GRAMD4: variants seen among roughly 807,000 people sequenced by gnomAD.
GRAMD4 encodes the protein GRAM domain containing 4.
A neutral mutation model predicts 83.9 loss-of-function variants in GRAMD4; 25 were observed. That is an observed-to-expected ratio of 0.30 (90% CI 0.22 to 0.42). The LOEUF is 0.42. Ranked by LOEUF, GRAMD4 falls within the 10% of genes least tolerant of loss-of-function variation. The pLI is 1.00. For missense variants in GRAMD4, 593 were observed against 788.7 expected, an observed-to-expected ratio of 0.75 and a Z score of 2.97; for synonymous variants, 336 against 320.9, an observed-to-expected ratio of 1.05 and a Z score of -0.50.
At chr22:46,640,976 AC>A (rs1324357161) in intron 3 of GRAMD4, among the ~76,000 whole-genome samples, 1 of 152,212 alleles carries the variant, frequency 6.6e-6, no homozygotes, top group African/African-American at 2.4e-5. Flanking sequence ...TTTCGTTAAT[AC>A]CATCAGCTGT....
At position 46,658,089 on chromosome 22, in the gene GRAMD4, C is replaced by T; in HGVS notation, c.284-98C>T. The T allele has an allele frequency of 4.1e-6, 6 of 1,466,492 alleles. No homozygotes were observed. In the South Asian group the frequency reaches 5.7e-5, roughly 14 times the overall value. 90.8% of individuals were successfully genotyped at this position (1,466,492 alleles called of 1,614,324 possible). A position where few individuals can be genotyped will look rare whatever the true frequency, so the allele number is the denominator to read the frequency against. On this transcript the variant is annotated intron_variant, in intron 3 of 18. Coordinates refer to ENST00000406902, the MANE Select transcript of GRAMD4 (RefSeq NM_015124.5). ...AGGTCCGCTTACGGAGCAGAGACCCCTCTGCTGTTTCTGAGTCAGGCACCC... is the reference window on the plus strand; with the variant it reads ...AGGTCCGCTTACGGAGCAGAGACCCTTCTGCTGTTTCTGAGTCAGGCACCC...
intron 11 of GRAMD4, among the ~76,000 whole-genome samples, 168 bp downstream of exon 11, chr22:46,668,335 G>C (rs573040348): frequency 6.6e-5 from 10 of 152,306 alleles, no homozygotes; most frequent in Non-Finnish European, 1.3e-4. Flanking sequence ...CTGACTTGTA[G>C]TCACCCTGCC....
At chr22:46,605,412 A>C (rs2081355384) in intron 1 of GRAMD4, among the ~76,000 whole-genome samples, 2 of 152,378 alleles carry the variant, frequency 1.3e-5, no homozygotes, top group East Asian at 1.9e-4. Context: ...TGCAGTGAAC[A>C]TGGGTATGCA....
At position 46,679,042 on chromosome 22, in the gene GRAMD4, C is replaced by A. The variant is rs956421345; in HGVS notation, c.*1791C>A. On this transcript the variant is annotated 3_prime_UTR_variant, in exon 19 of 19. Coordinates refer to ENST00000406902, the MANE Select transcript of GRAMD4 (RefSeq NM_015124.5). ...GTGCACCAGGGGAGGGGGACATATC[C>A]CAGTGAACCCCACCTTGGCGCCTGA... is the stretch of plus-strand genomic sequence containing the variant. 1.3e-5 allele frequency: 13 copies of A among 985,658 alleles called. No homozygotes were observed. Among genetic ancestry groups the A allele is most frequent in the Non-Finnish European group, 1.3e-5 (11 of 829,964 alleles). 61.1% of individuals were successfully genotyped at this position (985,658 alleles called of 1,614,324 possible).
chr22:46,583,146 A>G (rs1264663280), intron 1 of GRAMD4, among the ~76,000 whole-genome samples: 1 of 152,188 alleles, frequency 6.6e-6, no homozygotes, highest in Non-Finnish European at 1.5e-5. Flanking sequence ...CTGGTCTCGA[A>G]TTCCTGACCT....
chr22:46,652,295 C>T (rs964991970), intron 3 of GRAMD4, among the ~76,000 whole-genome samples: 3 of 152,126 alleles, frequency 2.0e-5, no homozygotes, highest in African/African-American at 4.8e-5. Context: ...GTCATTGCTC[C>T]CTGGGGGCCG....
intron 3 of GRAMD4, among the ~76,000 whole-genome samples, chr22:46,647,707 A>G (rs138467): frequency 0.91 from 138,626 of 152,354 alleles, 63,291 homozygotes; most frequent in East Asian, 1. Context: ...CTCTCTAGTC[A>G]CTGCGTCCCG....
At chr22:46,644,697 G>GTTT (rs71192437) in intron 3 of GRAMD4, among the ~76,000 whole-genome samples, 12 of 97,354 alleles carry the variant, frequency 1.2e-4, no homozygotes, top group African/African-American at 1.6e-4. Flanking sequence ...CTTGTTCCCT[G>GTTT]TTTTTTTTTT....
At chr22:46,633,733 A>G (rs1255128671) in intron 2 of GRAMD4, among the ~76,000 whole-genome samples, 2 of 152,174 alleles carry the variant, frequency 1.3e-5, no homozygotes, top group African/African-American at 4.8e-5. Context: ...CCCAGGAAGA[A>G]TCCATTGTGG....
intron 3 of GRAMD4, among the ~76,000 whole-genome samples, chr22:46,643,186 TCCATCCATCCATCCATCTATCCATC>T: frequency 7.4e-6 from 1 of 134,698 alleles, no homozygotes. Context: ...CATCCATCCA[TCCATCCATCCATCCATCTATCCATC>T]CATTTATCCA....
At chr22:46,590,092 G>C (rs150094284) in intron 1 of GRAMD4, among the ~76,000 whole-genome samples, 10 of 152,320 alleles carry the variant, frequency 6.6e-5, no homozygotes, top group Admixed American at 5.2e-4. Flanking sequence ...CTGTTGGCCC[G>C]GGTGGGCAGA....
intron 3 of GRAMD4, among the ~76,000 whole-genome samples, chr22:46,652,213 A>G (rs1310972309): frequency 5.3e-5 from 8 of 152,202 alleles, no homozygotes; most frequent in African/African-American, 1.9e-4. Context: ...AGTCACCACA[A>G]AGGTTCTGAG....
intron 1 of GRAMD4, among the ~76,000 whole-genome samples, chr22:46,591,070 G>A (rs1191650572): frequency 6.7e-6 from 1 of 149,978 alleles, no homozygotes; most frequent in African/African-American, 2.5e-5. Flanking sequence ...AAAAGAAAAA[G>A]AAAAAAAAAC....
In GRAMD4 at chr22:46,658,298, T is replaced by C; in HGVS notation, c.395T>C (p.Leu132Pro). ...MELEQKVQEVLKARTEEQMAQ... is the reference protein window; with the variant it reads ...MELEQKVQEVPKARTEEQMAQ... ...CTGGAGCAGAAGGTGCAGGAGGTGCTGAAGGCCAGGTACCGCGCCTTCCTC... is the reference window on the plus strand; with the variant it reads ...CTGGAGCAGAAGGTGCAGGAGGTGCCGAAGGCCAGGTACCGCGCCTTCCTC... Residue 132 changes from leucine (L) to proline (P), a missense_variant, in exon 4 of 19, where the codon CTG (leucine) becomes CCG (proline). Physicochemically the swap from Leu to Pro is moderately conservative, Grantham distance 98. Transcript: ENST00000406902. 2.5e-6 allele frequency: 4 copies of C among 1,611,128 alleles called. No individual in the cohort carries two copies. The highest frequency in any genetic ancestry group is 3.4e-6 in the Non-Finnish European group (4 of 1,179,384).
chr22:46,654,696 G>A (rs145931123), intron 3 of GRAMD4, among the ~76,000 whole-genome samples: 51 of 152,302 alleles, frequency 3.3e-4, no homozygotes, highest in Admixed American at 2.7e-3. Context: ...CCTGCTAGAC[G>A]CACTACGTGA....
intron 1 of GRAMD4, among the ~76,000 whole-genome samples, chr22:46,586,922 T>G (rs1352220961): frequency 6.6e-6 from 1 of 151,734 alleles, no homozygotes; most frequent in Non-Finnish European, 1.5e-5. Context: ...GGGTGGGGAG[T>G]TTGGCGTTTA....
chr22:46,590,669 C>G (rs556026000), intron 1 of GRAMD4, among the ~76,000 whole-genome samples: 5 of 152,174 alleles, frequency 3.3e-5, no homozygotes, highest in African/African-American at 1.2e-4. Flanking sequence ...CCCGCCAGGG[C>G]GTGCTTGGGT....
At chr22:46,643,124 CATCCATCCATG>C (rs2082003061) in intron 3 of GRAMD4, among the ~76,000 whole-genome samples, 1 of 90,722 alleles carries the variant, frequency 1.1e-5, no homozygotes, top group African/African-American at 3.7e-5. Flanking sequence ...TCCATCCATG[CATCCATCCATG>C]CATCCTTCCA....
intron 13 of GRAMD4, among the ~76,000 whole-genome samples, chr22:46,669,816 C>T (rs13058316): frequency 0.087 from 13,246 of 152,214 alleles, 771 homozygotes; most frequent in African/African-American, 0.17. Context: ...TGACCTCAGG[C>T]GATCTGCCCA....
Sources: gnomAD v4.1 joint callset for allele counts (sites outside exome capture counted in the v4.1 genomes callset) on GRCh38, gnomAD v4.1.1 for gene constraint, MANE v1.5 for transcripts, NCBI Gene and HGNC (gene_info 2026-07-23, HGNC 2026-07-21) for gene names.